Variants in CCDC149 observed in about 807,000 individuals in gnomAD.
The protein encoded by CCDC149 is coiled-coil domain-containing protein 149.
Under a neutral mutation model 59.9 loss-of-function variants are expected in CCDC149, and 45 were observed. The ratio of observed to expected loss-of-function variants is 0.75; its 90% CI spans 0.59 to 0.96. CCDC149 has a LOEUF of 0.96. Among genes scored for constraint, CCDC149 ranks in the 40% least tolerant of loss-of-function variants. The pLI is 0.00. For missense variants in CCDC149, 584 were observed against 664.7 expected (o/e 0.88, Z 1.33); for synonymous variants, 245 against 260.6 (o/e 0.94, Z 0.58).
intron 9 of CCDC149, 103 bp from the exon 10 acceptor site, chr4:24,822,676 GAT>G: frequency 1.4e-6 from 1 of 702,932 alleles, no homozygotes; most frequent in Non-Finnish European, 2.3e-6. Context: ...TGAGATTTAT[GAT>G]ATATGCAAAA....
intron 9 of CCDC149, chr4:24,828,138 T>C (rs1263365919): frequency 6.6e-6 from 1 of 152,114 alleles, no homozygotes; most frequent in Non-Finnish European, 1.5e-5. Flanking sequence ...ACCCCCTAAG[T>C]ATTAAAGATG....
chr4:24,833,920 G>A (rs936827868), intron 8 of CCDC149, among the ~76,000 whole-genome samples: 2 of 152,166 alleles, frequency 1.3e-5, no homozygotes, highest in African/African-American at 4.8e-5. Flanking sequence ...GAAAGGCTGT[G>A]CCAGATTTAT....
At chr4:24,813,517 TATATATATATAA>T (rs979182679) in intron 12 of CCDC149, among the ~76,000 whole-genome samples, 15 of 88,160 alleles carry the variant, frequency 1.7e-4, no homozygotes, top group Admixed American at 3.5e-4. Context: ...TATATATATA[TATATATATATAA>T]AACCTAAAAA....
intron 1 of CCDC149, among the ~76,000 whole-genome samples, chr4:24,972,157 TC>T (rs1415197585): frequency 6.6e-6 from 1 of 152,166 alleles, no homozygotes; most frequent in African/African-American, 2.4e-5. Context: ...AGAATAAATC[TC>T]TTCAAACATT....
At chr4:24,923,765 C>T (rs920100684) in intron 1 of CCDC149, among the ~76,000 whole-genome samples, 3 of 152,154 alleles carry the variant, frequency 2.0e-5, no homozygotes, top group African/African-American at 7.2e-5. Flanking sequence ...GTGCTGGGAA[C>T]CTTTGAAGTG....
intron 4 of CCDC149, among the ~76,000 whole-genome samples, chr4:24,848,304 C>T (rs1717438731): frequency 1.3e-5 from 2 of 152,142 alleles, no homozygotes; most frequent in Admixed American, 1.3e-4. Context: ...AGGCACGGTG[C>T]TAACATCTGT....
chr4:24,809,877 A>G (rs1420790958), intron 12 of CCDC149, among the ~76,000 whole-genome samples: 1 of 152,226 alleles, frequency 6.6e-6, no homozygotes, highest in Non-Finnish European at 1.5e-5. Context: ...GGGGAGCTGG[A>G]GAACTGCAGC....
At chr4:24,858,846 C>T (rs767181608) in intron 3 of CCDC149, among the ~76,000 whole-genome samples, 3 of 152,170 alleles carry the variant, frequency 2.0e-5, no homozygotes, top group Non-Finnish European at 4.4e-5. Context: ...CTCTTCCCAA[C>T]TGTTTGCAGG....
At chr4:24,833,055 T>C (rs1716260368) in intron 8 of CCDC149, among the ~76,000 whole-genome samples, 2 of 152,162 alleles carry the variant, frequency 1.3e-5, no homozygotes, top group Non-Finnish European at 2.9e-5. Context: ...GTATGTGTCC[T>C]TTCTGACACC....
intron 6 of CCDC149, among the ~76,000 whole-genome samples, chr4:24,836,852 GACAC>G (rs891438839): frequency 6.6e-6 from 1 of 152,052 alleles, no homozygotes; most frequent in African/African-American, 2.4e-5. Flanking sequence ...CATTAAGTTA[GACAC>G]ACACACACTG....
At chr4:24,861,551 T>C (rs1718386805) in intron 3 of CCDC149, among the ~76,000 whole-genome samples, 1 of 152,078 alleles carries the variant, frequency 6.6e-6, no homozygotes, top group South Asian at 2.1e-4. Context: ...GCTCAGGTGA[T>C]GGGTGCACCA....
upstream of CCDC149, among the ~76,000 whole-genome samples, chr4:24,913,829 G>A (rs979390055): frequency 6.6e-6 from 1 of 152,218 alleles, no homozygotes; most frequent in Admixed American, 6.5e-5. Flanking sequence ...GCATTAAGCT[G>A]AGACTTCTCC....
rs1009082376 is a variant in CCDC149, at chr4:24,807,203, T to C, written c.*1186A>G. The C allele has an allele frequency of 6.6e-6, 1 of 152,102 alleles. No individual in the cohort carries two copies. Among genetic ancestry groups the C allele is most frequent in the Non-Finnish European group, 1.5e-5 (1 of 68,026 alleles). 9.4% of individuals were successfully genotyped at this position (152,102 alleles called of 1,614,324 possible). A position where few individuals can be genotyped will look rare whatever the true frequency, so the allele number is the denominator to read the frequency against. On this transcript the variant is annotated 3_prime_UTR_variant, in exon 13 of 13. Coordinates refer to ENST00000635206, the MANE Select transcript of CCDC149 (RefSeq NM_001330643.2). ...AAAGCTATGGCTGGATGACTTTTAG[T>C]TTTCTGCAGTGCCGGATGCCAACTA...
intron 6 of CCDC149, 120 bp from the exon 7 acceptor site, chr4:24,836,628 C>T: frequency 3.1e-6 from 2 of 636,100 alleles, no homozygotes; most frequent in South Asian, 3.8e-5. Flanking sequence ...CACATAACAC[C>T]TTGCCTGCTC....
intron 2 of CCDC149, among the ~76,000 whole-genome samples, chr4:24,874,952 C>A (rs1466827259): frequency 6.6e-6 from 1 of 152,084 alleles, no homozygotes; most frequent in South Asian, 2.1e-4. Flanking sequence ...GCGCAGGATA[C>A]GAGAAAGGTT....
At chr4:24,805,647 G>A (rs956712051), downstream of CCDC149, among the ~76,000 whole-genome samples, 2 of 152,174 alleles carry the variant, frequency 1.3e-5, no homozygotes, top group Admixed American at 6.5e-5. Flanking sequence ...CCCTTGCTAA[G>A]AAATGGTTAA....
downstream of CCDC149, among the ~76,000 whole-genome samples, chr4:24,804,486 CAAAAAAAAAA>C (rs397796144): frequency 3.5e-5 from 2 of 57,126 alleles, no homozygotes; most frequent in Non-Finnish European, 7.0e-5. Context: ...GTGAGACTCT[CAAAAAAAAAA>C]AAAAAAAAAA....
chr4:24,926,177 C>G (rs535566628), intron 1 of CCDC149, among the ~76,000 whole-genome samples: 69 of 152,194 alleles, frequency 4.5e-4, no homozygotes, highest in African/African-American at 1.6e-3. Flanking sequence ...GCCTGGGCAA[C>G]AGGAATGAAA....
At chr4:24,889,707 T>C (rs550686566) in intron 1 of CCDC149, among the ~76,000 whole-genome samples, 40 of 152,352 alleles carry the variant, frequency 2.6e-4, no homozygotes, top group South Asian at 1.7e-3. Context: ...TTCAATTCGG[T>C]TGCAGAGGGC....
Sources: gnomAD v4.1 joint callset for allele counts (sites outside exome capture counted in the v4.1 genomes callset) on GRCh38, gnomAD v4.1.1 for gene constraint, MANE v1.5 for transcripts, NCBI Gene and HGNC (gene_info 2026-07-23, HGNC 2026-07-21) for gene names.